Variants in ZNF362 observed in about 807,000 individuals in gnomAD.
ZNF362 encodes the protein rotund homolog.
A neutral mutation model predicts 42.9 loss-of-function variants in ZNF362; 11 were observed. That is an observed-to-expected ratio of 0.26 (90% CI 0.16 to 0.42). The LOEUF (loss-of-function observed/expected upper bound fraction) is 0.42, where lower values mean the gene tolerates loss of function less well. ZNF362 is among the 20% of genes least tolerant of loss of function. The probability of loss-of-function intolerance (pLI) is 1.00; values close to 1 mark genes in which losing one functional copy is unlikely to be tolerated. For synonymous variants in ZNF362, 255 were observed against 257.3 expected (o/e 0.99, Z 0.09); for missense variants, 362 against 576.2 (o/e 0.63, Z 3.81).
chr1:33,172,559 C>G, the ZNF362 span, among the ~76,000 whole-genome samples: 1 of 152,004 alleles, frequency 6.6e-6, no homozygotes, highest in Non-Finnish European at 1.5e-5. Context: ...GGGGGTGGGC[C>G]GGGCAGGATG....
intron 2 of ZNF362, chr1:33,275,405 C>T (rs1267914653): frequency 1.0e-6 from 1 of 984,610 alleles, no homozygotes; most frequent in East Asian, 1.1e-4. Context: ...GCCTCTTCAG[C>T]CCCCTCCATA....
chr1:33,235,715 A>C, the ZNF362 span, among the ~76,000 whole-genome samples: 1 of 152,306 alleles, frequency 6.6e-6, no homozygotes, highest in African/African-American at 2.4e-5. Context: ...AAAATTACTA[A>C]GAGGAAACAT....
rs150517219 is a variant in ZNF362, at chr1:33,281,653, A to T, written c.750A>T (p.Thr250=). The T allele has an allele frequency of 5.3e-5, 86 of 1,614,116 alleles. No individual in the cohort carries two copies. The African/African-American group carries it at 1.0e-3, about 19-fold the overall frequency. Residue 250 remains threonine (T), a synonymous_variant, in exon 6 of 9, where the codon ACA becomes ACT. Coordinates refer to ENST00000539719, the MANE Select transcript of ZNF362 (RefSeq NM_152493.3). The surrounding 1 kb of genome is among the most constrained non-coding windows in gnomAD (Gnocchi z 4.8). ...SEMQIHSKSH[T]EAKPHKCPHC... is the part of the protein sequence containing the mutation. ...TGCAGATCCACTCCAAGTCGCACAC[A>T]GAGGCCAAGCCCCACAAGTGCCCGC...
the ZNF362 span, chr1:33,163,543 C>T: frequency 2.0e-5 from 3 of 152,460 alleles, no homozygotes; most frequent in Admixed American, 6.5e-5. Context: ...AGGGCAGAGT[C>T]ACCCTTTCCC....
chr1:33,226,584 G>T, the ZNF362 span, among the ~76,000 whole-genome samples: 3 of 152,312 alleles, frequency 2.0e-5, no homozygotes, highest in African/African-American at 4.8e-5. Context: ...GCTAAATGAG[G>T]CCGGGCGCCA....
upstream of ZNF362, among the ~76,000 whole-genome samples, chr1:33,255,045 G>T (rs542971551): frequency 5.9e-5 from 9 of 151,974 alleles, no homozygotes; most frequent in East Asian, 1.6e-3. Context: ...GTGCTCTCCC[G>T]CCATGCTTTA....
the ZNF362 span, among the ~76,000 whole-genome samples, chr1:33,175,451 G>A: frequency 1.3e-5 from 2 of 152,178 alleles, no homozygotes; most frequent in African/African-American, 4.8e-5. Flanking sequence ...AAATGGTACT[G>A]GGAAAACAAC....
At chr1:33,237,709 G>T in the ZNF362 span, among the ~76,000 whole-genome samples, 4 of 152,216 alleles carry the variant, frequency 2.6e-5, no homozygotes, top group Non-Finnish European at 4.4e-5. Context: ...TTCTTCCTGG[G>T]CCCACAAGTA....
At chr1:33,298,465 T>G (rs940923115) in intron 8 of ZNF362, among the ~76,000 whole-genome samples, 2 of 152,226 alleles carry the variant, frequency 1.3e-5, no homozygotes, top group African/African-American at 2.4e-5. Context: ...TCCTCCCCTA[T>G]GCCTGCTTAC....
intron 6 of ZNF362, among the ~76,000 whole-genome samples, chr1:33,293,975 T>C (rs1057336028): frequency 2.6e-5 from 4 of 152,246 alleles, no homozygotes; most frequent in Non-Finnish European, 5.9e-5. Flanking sequence ...TCTCCCCATC[T>C]TGTTGTTTTT....
At chr1:33,236,570 T>TATATATATATATATAC in the ZNF362 span, among the ~76,000 whole-genome samples, 1 of 98,486 alleles carries the variant, frequency 1.0e-5, no homozygotes, top group African/African-American at 3.6e-5. Flanking sequence ...TATATATATA[T>TATATATATATATATAC]ATACATACAC....
At chr1:33,260,061 G>A (rs991410181) in intron 1 of ZNF362, among the ~76,000 whole-genome samples, 16 of 152,138 alleles carry the variant, frequency 1.1e-4, no homozygotes, top group Non-Finnish European at 2.4e-4. Context: ...AGCTCAGTAC[G>A]TACCCACTGA....
At chr1:33,235,784 C>A in the ZNF362 span, among the ~76,000 whole-genome samples, 2 of 152,250 alleles carry the variant, frequency 1.3e-5, no homozygotes, top group Admixed American at 1.3e-4. Context: ...GAAGACAGGC[C>A]AGGGTGGGCA....
the ZNF362 span, among the ~76,000 whole-genome samples, chr1:33,196,476 TGTC>T: frequency 6.6e-6 from 1 of 152,258 alleles, no homozygotes; most frequent in African/African-American, 2.4e-5. Context: ...TTGATATCAC[TGTC>T]TTCCAAGTCC....
the ZNF362 span, among the ~76,000 whole-genome samples, chr1:33,127,606 C>T: frequency 1.3e-5 from 2 of 152,214 alleles, no homozygotes; most frequent in Admixed American, 6.5e-5. Context: ...CGGAAGTGGG[C>T]TTATTTGCGC....
chr1:33,232,004 C>T, the ZNF362 span, among the ~76,000 whole-genome samples: 2 of 152,124 alleles, frequency 1.3e-5, no homozygotes, highest in South Asian at 4.1e-4. Context: ...TATGTAAATC[C>T]ATCCCTCCTT....
the ZNF362 span, among the ~76,000 whole-genome samples, chr1:33,223,079 C>T: frequency 8.0e-4 from 121 of 152,022 alleles, no homozygotes; most frequent in Admixed American, 7.5e-3. Context: ...GGTGAAACCC[C>T]GTCTCTACTA....
the ZNF362 span, among the ~76,000 whole-genome samples, chr1:33,172,796 G>C: frequency 3.3e-5 from 5 of 152,144 alleles, no homozygotes; most frequent in Non-Finnish European, 7.4e-5. Context: ...TCTGGTCCAG[G>C]GGACAAAGCA....
chr1:33,238,389 A>ATAAAG, the ZNF362 span, among the ~76,000 whole-genome samples: 4 of 147,554 alleles, frequency 2.7e-5, no homozygotes, highest in African/African-American at 9.8e-5. Context: ...AATAAATAAA[A>ATAAAG]TAAAATAAAA....
Sources: gnomAD v4.1 joint callset for allele counts (sites outside exome capture counted in the v4.1 genomes callset) on GRCh38, gnomAD v4.1.1 for gene constraint, Gnocchi (gnomAD v3.1) non-coding constraint, MANE v1.5 for transcripts, NCBI Gene and HGNC (gene_info 2026-07-23, HGNC 2026-07-21) for gene names.